MAP3K19: variants seen among roughly 807,000 people sequenced by gnomAD.
MAP3K19 encodes the protein mitogen-activated protein kinase kinase kinase 19, also known as SPS1/STE20-related protein kinase YSK4.
Under a neutral mutation model 114.4 loss-of-function variants are expected in MAP3K19, and 91 were observed. The ratio of observed to expected loss-of-function variants is 0.80; its 90% CI spans 0.67 to 0.95. The LOEUF is 0.95. Among genes scored for constraint, MAP3K19 ranks in the 40% least tolerant of loss-of-function variants. The pLI, the probability that MAP3K19 is intolerant of heterozygous loss-of-function variation, is 0.00. For synonymous variants in MAP3K19, 518 were observed against 530.5 expected, an observed-to-expected ratio of 0.98 and a Z score of 0.32; for missense variants, 1,471 against 1,573.2, an observed-to-expected ratio of 0.94 and a Z score of 1.10.
In MAP3K19 at chr2:134,987,077, T is replaced by C. The variant is rs1056072085; in HGVS notation, c.1795A>G (p.Lys599Glu). The change falls in exon 10 of 13, where the codon AAG becomes GAG. Residue 599 changes from lysine to glutamate, a missense_variant. Physicochemically the swap from Lys to Glu is moderately conservative, Grantham distance 56 (BLOSUM62 1). Coordinates refer to ENST00000392915, the MANE Select transcript of MAP3K19 (RefSeq NM_025052.5). Reference protein sequence around the residue: ...RFQKKMPQIAKKQSTHRTQKP... With the variant: ...RFQKKMPQIAEKQSTHRTQKP... The stretch of plus-strand genomic sequence containing the variant: ...TGAGTCCGGTGAGTTGATTGCTTCT[T>C]TGCTATCTGTGGCATTTTCTTTTGA... 3 of 1,612,868 alleles carry C rather than the reference T, an allele frequency of 1.9e-6. No individual in the cohort carries two copies. The African/African-American group carries it at 4.0e-5, about 22-fold the overall frequency.
chr2:135,005,030 T>G (rs1276477037), intron 6 of MAP3K19, among the ~76,000 whole-genome samples: 1 of 152,248 alleles, frequency 6.6e-6, no homozygotes, highest in Non-Finnish European at 1.5e-5. Context: ...TTGCCTATTC[T>G]GGCCAGTCAA....
At chr2:135,036,176 T>C (rs1688521787) in intron 2 of MAP3K19, among the ~76,000 whole-genome samples, 1 of 152,176 alleles carries the variant, frequency 6.6e-6, no homozygotes, top group Non-Finnish European at 1.5e-5. Context: ...GTCTTTGCTG[T>C]TCCCTCTACC....
chr2:135,006,757 C>A (rs1469413779), intron 5 of MAP3K19, among the ~76,000 whole-genome samples: 1 of 151,496 alleles, frequency 6.6e-6, no homozygotes, highest in Non-Finnish European at 1.5e-5. Flanking sequence ...CTATGGTGAG[C>A]TAGGGTCACG....
chr2:135,039,217 A>G (rs1688598746), intron 2 of MAP3K19, among the ~76,000 whole-genome samples: 1 of 151,852 alleles, frequency 6.6e-6, no homozygotes, highest in South Asian at 2.1e-4. Context: ...AAGAGCTTAA[A>G]ACATAGTCAA....
chr2:135,014,189 CA>C (rs1023813082), intron 5 of MAP3K19, among the ~76,000 whole-genome samples: 10 of 151,858 alleles, frequency 6.6e-5, no homozygotes, highest in African/African-American at 2.4e-4. Flanking sequence ...CCCATCTCTA[CA>C]AAAAAATGCA....
rs774477724 is a variant in MAP3K19 at position 134,987,900 on chromosome 2, A to T, written c.972T>A (p.Phe324Leu). The T allele has an allele frequency of 6.2e-7, 1 of 1,614,042 alleles. No individual in the cohort carries two copies. Among genetic ancestry groups the T allele is most frequent in the South Asian group, 1.1e-5 (1 of 91,076 alleles). Residue 324 changes from phenylalanine (F) to leucine (L), a missense_variant, in exon 10 of 13, where the codon TTT becomes TTA. Transcript: ENST00000392915. ...AAGACACCAAAGACTGCCCTTTTTCAAAGTGAGTGATTTCAATTTTGTTAC... is the reference window on the plus strand; with the variant it reads ...AAGACACCAAAGACTGCCCTTTTTCTAAGTGAGTGATTTCAATTTTGTTAC... Reference protein sequence around the residue: ...EECNKIEITHFEKGQSLVSFE... With the variant: ...EECNKIEITHLEKGQSLVSFE...
At chr2:135,012,789 CCAATA>C (rs2105339774) in intron 5 of MAP3K19, among the ~76,000 whole-genome samples, 1 of 152,256 alleles carries the variant, frequency 6.6e-6, no homozygotes, top group Admixed American at 6.5e-5. Context: ...CTCCATCCTC[CCAATA>C]CATTTACCTT....
chr2:135,002,768 T>C (rs1686537294), intron 6 of MAP3K19, among the ~76,000 whole-genome samples: 1 of 152,120 alleles, frequency 6.6e-6, no homozygotes. Flanking sequence ...GGTTCTTACA[T>C]TGATAGTGGG....
At chr2:135,005,651 A>G (rs2105315160) in intron 5 of MAP3K19, 120 bp from the exon 6 acceptor site, 2 of 730,762 alleles carry the variant, frequency 2.7e-6, no homozygotes, top group African/African-American at 1.8e-5. Flanking sequence ...TTTAAATTGG[A>G]TAAAGTATTT....
At chr2:134,983,497 A>T in intron 11 of MAP3K19, 179 bp downstream of exon 11, 1 of 604,086 alleles carries the variant, frequency 1.7e-6, no homozygotes, top group Non-Finnish European at 3.0e-6. Context: ...AGTCGGATAA[A>T]GCAGTAACTG....
intron 12 of MAP3K19, among the ~76,000 whole-genome samples, chr2:134,977,797 CA>C (rs1190691387): frequency 8.5e-5 from 13 of 152,080 alleles, no homozygotes; most frequent in Non-Finnish European, 1.9e-4. Context: ...GCGCCTGGCC[CA>C]TCCCATTTTA....
intron 12 of MAP3K19, among the ~76,000 whole-genome samples, chr2:134,979,443 C>CGTGTGTGTGT (rs59337402): frequency 3.4e-5 from 5 of 146,884 alleles, no homozygotes; most frequent in South Asian, 2.2e-4. Context: ...TAAAGTGCTT[C>CGTGTGTGTGT]GTGTGTGTGT....
chr2:135,004,311 G>C (rs1573997308), intron 6 of MAP3K19, among the ~76,000 whole-genome samples: 1 of 152,162 alleles, frequency 6.6e-6, no homozygotes, highest in East Asian at 1.9e-4. Context: ...TTTTCTTTCT[G>C]TTAGCTCTTT....
At chr2:134,985,757 G>C in intron 10 of MAP3K19, 43 bp downstream of exon 10, 1 of 1,496,908 alleles carries the variant, frequency 6.7e-7, no homozygotes, top group Non-Finnish European at 9.0e-7. Flanking sequence ...TGTCTCTGAG[G>C]TCCTTCCCAC....
At chr2:135,009,079 G>A (rs1182592130) in intron 5 of MAP3K19, among the ~76,000 whole-genome samples, 1 of 151,304 alleles carries the variant, frequency 6.6e-6, no homozygotes, top group Non-Finnish European at 1.5e-5. Context: ...AGCCTCCCAA[G>A]TAGCTGGGGT....
chr2:134,965,559 T>C (rs187991932), intron 12 of MAP3K19, among the ~76,000 whole-genome samples: 8 of 152,340 alleles, frequency 5.3e-5, no homozygotes, highest in Admixed American at 2.0e-4. Flanking sequence ...TTAGCTGCAA[T>C]GGCCTATTCC....
At position 134,997,817 on chromosome 2, in the gene MAP3K19, C is replaced by CAAAAAAAAAAAAAAAAA. The variant is rs1187957592; in HGVS notation, c.574+920_574+921insTTTTTTTTTTTTTTTTT. Among the ~76,000 whole-genome samples, 61 of 90,976 alleles carry CAAAAAAAAAAAAAAAAA rather than the reference C, an allele frequency of 6.7e-4. 4 individuals are homozygous for CAAAAAAAAAAAAAAAAA. Among genetic ancestry groups the CAAAAAAAAAAAAAAAAA allele is most frequent in the African/African-American group, 1.6e-3 (40 of 24,614 alleles). The allele number at this position is 90,976 out of a possible 152,430, so 59.7% of individuals were successfully genotyped here. A position where few individuals can be genotyped will look rare whatever the true frequency, so the allele number is the denominator to read the frequency against. ...CTGGTGACAGAGCGAGACTCCGTCT[C>CAAAAAAAAAAAAAAAAA]AAAAAAAAAAAAACTTTAAGCACTG... is the stretch of plus-strand genomic sequence containing the variant. On this transcript the variant is annotated intron_variant, in intron 8 of 12. Transcript: ENST00000392915.
chr2:134,999,076 A>T lies in MAP3K19; in HGVS notation c.315-79T>A. On this transcript the variant is annotated intron_variant, in intron 7 of 12. Coordinates refer to ENST00000392915, the MANE Select transcript of MAP3K19 (RefSeq NM_025052.5). The surrounding 1 kb of genome is among the most constrained non-coding windows in gnomAD (Gnocchi z 4.1). ...TCTCCAGTCCTCAGTTCAGCCTGACATCACTAGAAAGTTTGAAGAACTACT... is the reference window on the plus strand; with the variant it reads ...TCTCCAGTCCTCAGTTCAGCCTGACTTCACTAGAAAGTTTGAAGAACTACT... 6.8e-7 allele frequency: 1 copy of T among 1,475,076 alleles called. No individual in the cohort carries two copies. The highest frequency in any genetic ancestry group is 9.2e-7 in the Non-Finnish European group (1 of 1,092,630). 91.4% of individuals were successfully genotyped at this position (1,475,076 alleles called of 1,614,324 possible).
At chr2:135,033,447 G>A (rs1316353498) in intron 2 of MAP3K19, among the ~76,000 whole-genome samples, 4 of 119,106 alleles carry the variant, frequency 3.4e-5, no homozygotes, top group East Asian at 2.7e-4. Context: ...AGGGGCGGTC[G>A]GGCAGAGGCG....
Sources: gnomAD v4.1 joint callset for allele counts (sites outside exome capture counted in the v4.1 genomes callset) on GRCh38, gnomAD v4.1.1 for gene constraint, Gnocchi (gnomAD v3.1) non-coding constraint, MANE v1.5 for transcripts, NCBI Gene and HGNC (gene_info 2026-07-23, HGNC 2026-07-21) for gene names.